Variants in ZNF248 observed in about 807,000 individuals in gnomAD.
The protein encoded by ZNF248 is KRAB protein domain.
Under a neutral mutation model 44.3 loss-of-function variants are expected in ZNF248, and 20 were observed. The ratio of observed to expected loss-of-function variants is 0.45; its 90% CI spans 0.32 to 0.66. The LOEUF (loss-of-function observed/expected upper bound fraction) is 0.66. Ranked by LOEUF, ZNF248 falls within the 30% of genes least tolerant of loss-of-function variation. The probability of loss-of-function intolerance (pLI) is 0.04; values close to 1 mark genes in which losing one functional copy is unlikely to be tolerated. For synonymous variants in ZNF248, 224 were observed against 229.0 expected (o/e 0.98, Z 0.20); for missense variants, 654 against 677.0 (o/e 0.97, Z 0.38).
chr10:37,782,706 A>G (rs1402932099), intron 6 of ZNF248, among the ~76,000 whole-genome samples: 1 of 152,108 alleles, frequency 6.6e-6, no homozygotes, highest in Non-Finnish European at 1.5e-5. Context: ...ATATGGAGGC[A>G]GAGATTGGAG....
chr10:37,772,051 T>G (rs981985591), downstream of ZNF248, among the ~76,000 whole-genome samples: 1 of 152,082 alleles, frequency 6.6e-6, no homozygotes. Context: ...CGGATCACGA[T>G]GTCAGGAGTT....
At chr10:37,858,051 G>A (rs1295079175), upstream of ZNF248, 1 of 152,300 alleles carries the variant, frequency 6.6e-6, no homozygotes, top group Non-Finnish European at 1.5e-5. Context: ...TTTCCCACAA[G>A]GGACTGGAGT....
chr10:37,770,721 T>G, the ZNF248 span, among the ~76,000 whole-genome samples: 1 of 152,182 alleles, frequency 6.6e-6, no homozygotes, highest in African/African-American at 2.4e-5. Flanking sequence ...GGGAAGGACT[T>G]CATGTCTAAA....
In ZNF248 at chr10:37,831,453, A is replaced by G; in HGVS notation, c.*162T>C. 1 of 1,463,164 alleles carries G rather than the reference A, an allele frequency of 6.8e-7. No individual in the cohort carries two copies. The highest frequency in any genetic ancestry group is 9.0e-7 in the Non-Finnish European group (1 of 1,109,208). 90.6% of individuals were successfully genotyped at this position (1,463,164 alleles called of 1,614,324 possible). ...TACTTAGATGAATAGAATTCCCCTC[A>G]GTACAAATTTTCTAATGAAAAGTTT... On this transcript the variant is annotated 3_prime_UTR_variant, in exon 6 of 6. Coordinates refer to ENST00000395867, the MANE Select transcript of ZNF248 (RefSeq NM_021045.3).
chr10:37,771,357 G>C, the ZNF248 span, among the ~76,000 whole-genome samples: 2 of 152,100 alleles, frequency 1.3e-5, no homozygotes, highest in Non-Finnish European at 2.9e-5. Context: ...CAATAGCAAA[G>C]ACTTGGAACC....
intron 6 of ZNF248, among the ~76,000 whole-genome samples, chr10:37,788,454 C>T (rs747073041): frequency 6.6e-6 from 1 of 151,870 alleles, no homozygotes; most frequent in African/African-American, 2.4e-5. Flanking sequence ...AACCCCATCT[C>T]TACCAAGAAT....
At chr10:37,761,272 T>A in the ZNF248 span, among the ~76,000 whole-genome samples, 1 of 152,138 alleles carries the variant, frequency 6.6e-6, no homozygotes, top group Admixed American at 6.5e-5. Context: ...ATATCTGCCA[T>A]CCCTTAGGTC....
At chr10:37,846,543 G>A (rs1026278297) in intron 3 of ZNF248, among the ~76,000 whole-genome samples, 1 of 152,086 alleles carries the variant, frequency 6.6e-6, no homozygotes, top group African/African-American at 2.4e-5. Flanking sequence ...TTACTCAGTA[G>A]GCTAAGGCAG....
chr10:37,804,101 CTTT>C (rs59261731), intron 6 of ZNF248, among the ~76,000 whole-genome samples: 2 of 124,922 alleles, frequency 1.6e-5, no homozygotes, highest in Non-Finnish European at 3.2e-5. Flanking sequence ...TTTTCTTTTT[CTTT>C]TTTTTTTTTT....
At chr10:37,778,543 A>G (rs1193297811) in intron 6 of ZNF248, among the ~76,000 whole-genome samples, 2 of 151,994 alleles carry the variant, frequency 1.3e-5, no homozygotes, top group African/African-American at 4.8e-5. Flanking sequence ...TAGTTTAATT[A>G]GATCCCATTT....
At chr10:37,855,120 TAAAG>T (rs2061043633) in intron 3 of ZNF248, among the ~76,000 whole-genome samples, 1 of 152,082 alleles carries the variant, frequency 6.6e-6, no homozygotes, top group Admixed American at 6.5e-5. Context: ...TTAAACTGGA[TAAAG>T]AAACACTGGC....
chr10:37,849,995 TG>T (rs1589945383), intron 3 of ZNF248, among the ~76,000 whole-genome samples: 1 of 151,830 alleles, frequency 6.6e-6, no homozygotes, highest in African/African-American at 2.4e-5. Flanking sequence ...TGCTTGAACC[TG>T]GGGGGCAGAG....
At chr10:37,759,288 G>A in the ZNF248 span, among the ~76,000 whole-genome samples, 11 of 152,214 alleles carry the variant, frequency 7.2e-5, no homozygotes, top group African/African-American at 2.7e-4. Flanking sequence ...TCTCATTTGT[G>A]CTGTGGTTCT....
rs1315517259 is a variant in ZNF248, at chr10:37,833,001, T to C, written c.354A>G (p.Arg118=). The change falls in exon 6 of 6, where the codon AGA becomes AGG. Residue 118 remains arginine (R), a synonymous_variant. Coordinates refer to ENST00000395867, the MANE Select transcript of ZNF248 (RefSeq NM_021045.3). ...NKTVSVENGD[R]GSKTFNLGTD... ...TGCCCAAATTGAAAGTTTTGCTTCC[T>C]CTATCTCCATTTTCTACACTTACTG... is the stretch of plus-strand genomic sequence containing the variant. 1.2e-6 allele frequency: 2 copies of C among 1,613,666 alleles called. No individual in the cohort carries two copies. Among genetic ancestry groups the C allele is most frequent in the Admixed American group, 3.3e-5 (2 of 59,968 alleles).
the ZNF248 span, among the ~76,000 whole-genome samples, chr10:37,768,964 C>T: frequency 6.6e-6 from 1 of 152,160 alleles, no homozygotes; most frequent in Non-Finnish European, 1.5e-5. Context: ...CATAGAAATA[C>T]AAACTACCAT....
intron 6 of ZNF248, among the ~76,000 whole-genome samples, chr10:37,800,183 T>C (rs1206985089): frequency 6.6e-6 from 1 of 152,210 alleles, no homozygotes; most frequent in African/African-American, 2.4e-5. Context: ...TTGCATGTCA[T>C]GAAGATTTGG....
the ZNF248 span, among the ~76,000 whole-genome samples, chr10:37,767,220 A>C: frequency 1.3e-5 from 2 of 152,242 alleles, no homozygotes; most frequent in Admixed American, 1.3e-4. Context: ...ATCCAGGAGA[A>C]CTTCCCCAAT....
rs534918775 is a variant in ZNF248, at chr10:37,832,426, G to A, written c.929C>T (p.Ser310Leu). 1.2e-6 allele frequency: 2 copies of A among 1,613,990 alleles called. No individual in the cohort carries two copies. The highest frequency in any genetic ancestry group is 1.7e-5 in the Admixed American group (1 of 59,980). Residue 310 changes from serine to leucine, a missense_variant, in exon 6 of 6, where the codon TCA becomes TTA. Ser to Leu is a moderately radical substitution (Grantham distance 145, BLOSUM62 -2). Transcript: ENST00000395867. ...NEYGEIFCDN[S>L]AFIIHQGAYT... ...AGCTCCCTGATGGATAATGAAAGCT[G>A]AATTGTCACAGAAGATTTCCCCATA... is the stretch of plus-strand genomic sequence containing the variant.
rs149511634 is a variant in ZNF248, at chr10:37,837,711, C to A, written c.144G>T (p.Gly48=). The A allele has an allele frequency of 7.4e-6, 12 of 1,613,542 alleles. No homozygotes were observed. Among genetic ancestry groups the A allele is most frequent in the Non-Finnish European group, 1.0e-5 (12 of 1,179,778 alleles). The change falls in exon 5 of 6, where the codon GGG becomes GGT. Residue 48 remains glycine (G), a splice_region_variant and synonymous_variant. Transcript: ENST00000395867. ...LENYSNLVSV[G]YCITKPEVIF... ...TCACTTCTGGTTTAGTAATGCAATA[C>A]CCTGTTAAGAGAAAATACCACAGGA... is the stretch of plus-strand genomic sequence containing the variant.
Sources: gnomAD v4.1 joint callset for allele counts (sites outside exome capture counted in the v4.1 genomes callset) on GRCh38, gnomAD v4.1.1 for gene constraint, MANE v1.5 for transcripts, NCBI Gene and HGNC (gene_info 2026-07-23, HGNC 2026-07-21) for gene names.